WDR27: variants seen among roughly 807,000 people sequenced by gnomAD.
WDR27 encodes WD repeat domain 27, also known as WD repeat-containing protein 27.
A neutral mutation model predicts 114.4 loss-of-function variants in WDR27; 100 were observed. That is an observed-to-expected ratio of 0.87 (90% CI 0.74 to 1.03). The LOEUF is 1.03. WDR27 is among the 50% of genes least tolerant of loss of function. The pLI, the probability that WDR27 is intolerant of heterozygous loss-of-function variation, is 0.00. For missense variants in WDR27, 1,129 were observed against 1,092.9 expected (o/e 1.03, Z -0.47); for synonymous variants, 449 against 423.1 (o/e 1.06, Z -0.75).
intron 17 of WDR27, among the ~76,000 whole-genome samples, chr6:169,642,648 G>A (rs1819524580): frequency 6.6e-6 from 1 of 152,170 alleles, no homozygotes; most frequent in African/African-American, 2.4e-5. Context: ...GCCGAGCCCG[G>A]CTCTGCCTGC....
chr6:169,647,030 G>A (rs1043635549), intron 16 of WDR27, among the ~76,000 whole-genome samples: 2 of 152,182 alleles, frequency 1.3e-5, no homozygotes, highest in African/African-American at 4.8e-5. Flanking sequence ...GCCCAGATAG[G>A]ACTTTGTGTC....
intron 24 of WDR27, among the ~76,000 whole-genome samples, chr6:169,580,492 T>A (rs1308973172): frequency 6.6e-6 from 1 of 152,262 alleles, no homozygotes; most frequent in Non-Finnish European, 1.5e-5. Flanking sequence ...TTTCTGTGAC[T>A]GTTTTCATTG....
intron 1 of WDR27, among the ~76,000 whole-genome samples, chr6:169,696,915 AAAAC>A (rs1786224610): frequency 6.6e-6 from 1 of 152,220 alleles, no homozygotes; most frequent in Non-Finnish European, 1.5e-5. Context: ...CCCTGTCTCA[AAAAC>A]AAACAAAAGC....
At chr6:169,599,282 C>T (rs1354740209) in intron 23 of WDR27, among the ~76,000 whole-genome samples, 1 of 152,124 alleles carries the variant, frequency 6.6e-6, no homozygotes, top group Non-Finnish European at 1.5e-5. Context: ...TTAAACAGGA[C>T]AGGAGAAGCA....
intron 25 of WDR27, among the ~76,000 whole-genome samples, chr6:169,512,695 T>G (rs1346468121): frequency 1.3e-5 from 2 of 152,230 alleles, no homozygotes; most frequent in Admixed American, 6.5e-5. Flanking sequence ...TAGAATGCAA[T>G]AGAAACTTTG....
chr6:169,433,865 G>A, the WDR27 span, among the ~76,000 whole-genome samples: 228 of 152,304 alleles, frequency 1.5e-3, 3 homozygotes, highest in East Asian at 0.034. Context: ...TTGTTCATAT[G>A]TTTGTTGGCC....
intron 2 of WDR27, among the ~76,000 whole-genome samples, chr6:169,688,410 G>A (rs1718723362): frequency 6.6e-6 from 1 of 152,092 alleles, no homozygotes; most frequent in South Asian, 2.1e-4. Flanking sequence ...TCTAGGGGTG[G>A]TTACCTGAAC....
At position 169,468,592 on chromosome 6, in the gene WDR27, T is replaced by C. The variant is rs540827377; in HGVS notation, c.2646-10958A>G. Reference sequence around the variant, plus strand: ...AGGTCCCTCCCATGACACATGGGGATTGTGGGAACTACAGTTCAAGATGAG... The same window carrying C: ...AGGTCCCTCCCATGACACATGGGGACTGTGGGAACTACAGTTCAAGATGAG... On this transcript the variant is annotated intron_variant, in intron 25 of 25. Coordinates refer to ENST00000448612, the MANE Select transcript of WDR27 (RefSeq NM_182552.5). Among the ~76,000 whole-genome samples the C allele has an allele frequency of 5.3e-5, 8 of 152,300 alleles. 1 individual carries two copies. Among genetic ancestry groups the C allele is most frequent in the African/African-American group, 1.9e-4 (8 of 41,580 alleles).
intron 21 of WDR27, among the ~76,000 whole-genome samples, chr6:169,617,303 T>C (rs1812080595): frequency 6.6e-6 from 1 of 152,204 alleles, no homozygotes; most frequent in South Asian, 2.1e-4. Flanking sequence ...CGGTGCCTGA[T>C]GTATGTAGAG....
intron 25 of WDR27, among the ~76,000 whole-genome samples, chr6:169,463,727 C>T (rs1374739294): frequency 6.6e-6 from 1 of 152,126 alleles, no homozygotes; most frequent in African/African-American, 2.4e-5. Context: ...AATCCAGTTG[C>T]ATTTCTATAA....
intron 2 of WDR27, 23 bp downstream of exon 2, chr6:169,688,794 T>C (rs1192568090): frequency 1.3e-6 from 2 of 1,568,286 alleles, no homozygotes; most frequent in East Asian, 2.3e-5. Flanking sequence ...TTCATGACAC[T>C]GGACATGTAA....
intron 25 of WDR27, among the ~76,000 whole-genome samples, chr6:169,488,550 T>G (rs1249759561): frequency 6.6e-6 from 1 of 152,240 alleles, no homozygotes; most frequent in African/African-American, 2.4e-5. Context: ...TGTCTTCATA[T>G]GCACAGTGGA....
intron 3 of WDR27, chr6:169,671,447 C>A (rs1470185347): frequency 6.6e-6 from 1 of 152,230 alleles, no homozygotes; most frequent in African/African-American, 2.4e-5. Flanking sequence ...GTACTCATGT[C>A]CCTACATAGA....
intron 25 of WDR27, among the ~76,000 whole-genome samples, chr6:169,475,437 G>A (rs1190997727): frequency 6.6e-6 from 1 of 152,090 alleles, no homozygotes; most frequent in African/African-American, 2.4e-5. Flanking sequence ...TGGCCAGGCT[G>A]ATCTCAAACT....
At chr6:169,498,967 A>G (rs1239403854) in intron 25 of WDR27, among the ~76,000 whole-genome samples, 1 of 152,238 alleles carries the variant, frequency 6.6e-6, no homozygotes, top group African/African-American at 2.4e-5. Context: ...AACTGCAAAC[A>G]TGCACCCACA....
At chr6:169,652,928 G>A (rs1373357806) in intron 13 of WDR27, among the ~76,000 whole-genome samples, 1 of 152,152 alleles carries the variant, frequency 6.6e-6, no homozygotes, top group African/African-American at 2.4e-5. Context: ...CACTTTTAAG[G>A]AGTGATCTAA....
At chr6:169,525,939 T>C (rs974476239) in intron 25 of WDR27, among the ~76,000 whole-genome samples, 9 of 152,096 alleles carry the variant, frequency 5.9e-5, no homozygotes, top group African/African-American at 2.2e-4. Context: ...TGCAGCAACA[T>C]AGATGGAACT....
intron 16 of WDR27, among the ~76,000 whole-genome samples, chr6:169,646,370 G>C (rs1434596745): frequency 6.6e-6 from 1 of 152,212 alleles, no homozygotes; most frequent in Non-Finnish European, 1.5e-5. Flanking sequence ...CAAGGTCCTG[G>C]AGCCTGCCTC....
chr6:169,477,142 TC>T (rs1304388002), intron 25 of WDR27, among the ~76,000 whole-genome samples: 2 of 152,222 alleles, frequency 1.3e-5, no homozygotes, highest in Non-Finnish European at 2.9e-5. Context: ...GTGAATCAAG[TC>T]ATTAGATTTT....
Sources: gnomAD v4.1 joint callset for allele counts (sites outside exome capture counted in the v4.1 genomes callset) on GRCh38, gnomAD v4.1.1 for gene constraint, MANE v1.5 for transcripts, NCBI Gene and HGNC (gene_info 2026-07-23, HGNC 2026-07-21) for gene names.